Variants in PARD3B observed in about 807,000 individuals in gnomAD.
PARD3B encodes the protein partitioning defective 3 homolog B.
A neutral mutation model predicts 130.2 loss-of-function variants in PARD3B; 103 were observed. That is an observed-to-expected ratio of 0.79 (90% CI 0.67 to 0.93). The LOEUF is 0.93. PARD3B is among the 40% of genes least tolerant of loss of function. PARD3B has a pLI of 0.00. For missense variants in PARD3B, 1,609 were observed against 1,499.2 expected (o/e 1.07, Z -1.21); for synonymous variants, 583 against 553.2 (o/e 1.05, Z -0.76).
intron 2 of PARD3B, among the ~76,000 whole-genome samples, chr2:204,750,160 T>A (rs779890033): frequency 6.6e-6 from 1 of 152,240 alleles, no homozygotes; most frequent in African/African-American, 2.4e-5. Context: ...AAGAAGTTGC[T>A]ACATCTCAAT....
chr2:204,730,884 T>G (rs1439523342), intron 2 of PARD3B, among the ~76,000 whole-genome samples: 1 of 152,190 alleles, frequency 6.6e-6, no homozygotes, highest in Non-Finnish European at 1.5e-5. Flanking sequence ...TGCCATGATT[T>G]TTCTTTCTGG....
intron 15 of PARD3B, among the ~76,000 whole-genome samples, chr2:205,205,394 G>A (rs956597921): frequency 1.3e-5 from 2 of 152,174 alleles, no homozygotes; most frequent in Non-Finnish European, 2.9e-5. Flanking sequence ...TCTGCAAACA[G>A]AGATAATTTG....
rs753332981 is a variant in PARD3B at position 205,142,782 on chromosome 2, G to A, written c.1435-15940G>A. ...AATCCCAGCTACTCAGGAAGCTGAC[G>A]CAGGAGAATCGTTTGAACCCGGGAG... On this transcript the variant is annotated intron_variant, in intron 10 of 22. Transcript: ENST00000406610. The surrounding 1 kb of genome is among the most constrained non-coding windows in gnomAD (Gnocchi z 4.3). 6.6e-5 allele frequency among the ~76,000 whole-genome samples: 10 copies of A among 152,094 alleles called. No individual in the cohort carries two copies. The highest frequency in any genetic ancestry group is 1.9e-4 in the East Asian group (1 of 5,192).
In PARD3B at chr2:205,078,696, A is replaced by C. The variant is rs1701220327; in HGVS notation, c.505-25730A>C. On this transcript the variant is annotated intron_variant, in intron 4 of 22. Transcript: ENST00000406610. This position sits in a 1 kb window ranked among gnomAD's most constrained non-coding sequence, Gnocchi z 4.0. The stretch of plus-strand genomic sequence containing the variant: ...TGAATCTGGACTGGCCCAGTGACTT[A>C]ATTGAAAATCATAGCGTGCAGCAGA... Among the ~76,000 whole-genome samples, 1 of 152,186 alleles carries C rather than the reference A, an allele frequency of 6.6e-6. No homozygotes were observed. The highest frequency in any genetic ancestry group is 2.4e-5 in the African/African-American group (1 of 41,452).
At chr2:204,876,505 T>C (rs185220586) in intron 2 of PARD3B, among the ~76,000 whole-genome samples, 1 of 152,348 alleles carries the variant, frequency 6.6e-6, no homozygotes. Flanking sequence ...AGACACCCCA[T>C]GCTACTCTAA....
intron 14 of PARD3B, among the ~76,000 whole-genome samples, chr2:205,188,967 A>G (rs1447536564): frequency 6.6e-6 from 1 of 152,222 alleles, no homozygotes; most frequent in Non-Finnish European, 1.5e-5. Flanking sequence ...CTATTATGCA[A>G]TGATTATTAC....
At chr2:204,770,597 T>C (rs1019439609) in intron 2 of PARD3B, among the ~76,000 whole-genome samples, 2 of 152,040 alleles carry the variant, frequency 1.3e-5, no homozygotes. Context: ...CCAGGTTAAA[T>C]TGCTAAGATG....
chr2:204,691,154 AG>A (rs2037335990), intron 2 of PARD3B, among the ~76,000 whole-genome samples: 1 of 152,084 alleles, frequency 6.6e-6, no homozygotes, highest in Non-Finnish European at 1.5e-5. Context: ...TGAGCATGAG[AG>A]CTTCTGAGTA....
chr2:204,801,626 A>G (rs543495746), intron 2 of PARD3B, among the ~76,000 whole-genome samples: 129 of 152,316 alleles, frequency 8.5e-4, no homozygotes, highest in African/African-American at 2.9e-3. Context: ...GGGGTTTTCT[A>G]AATATACAAT....
chr2:205,500,215 C>T (rs751085203), intron 21 of PARD3B, among the ~76,000 whole-genome samples, 184 bp downstream of exon 21: 5 of 152,244 alleles, frequency 3.3e-5, no homozygotes, highest in African/African-American at 7.2e-5. Flanking sequence ...GGAAATCAAA[C>T]GCCGTGAACG....
chr2:205,531,653 C>T (rs543313404), intron 21 of PARD3B, among the ~76,000 whole-genome samples: 2 of 151,930 alleles, frequency 1.3e-5, no homozygotes, highest in South Asian at 2.1e-4. Flanking sequence ...GACAGGGCAC[C>T]GAGACACAGG....
At chr2:205,323,043 TG>T (rs1180204356) in intron 18 of PARD3B, among the ~76,000 whole-genome samples, 1 of 151,380 alleles carries the variant, frequency 6.6e-6, no homozygotes, top group East Asian at 2.0e-4. Flanking sequence ...CCCAAGTAGC[TG>T]GGACTACAGG....
At chr2:204,959,370 G>A (rs1172595635) in intron 2 of PARD3B, among the ~76,000 whole-genome samples, 1 of 152,096 alleles carries the variant, frequency 6.6e-6, no homozygotes. Flanking sequence ...TCTTTATCCA[G>A]TCTATCATTG....
intron 19 of PARD3B, among the ~76,000 whole-genome samples, chr2:205,401,885 T>C (rs1391049835): frequency 6.6e-6 from 1 of 152,262 alleles, no homozygotes; most frequent in African/African-American, 2.4e-5. Context: ...CAGCATATAA[T>C]TCTAAGCGTT....
At chr2:205,556,456 A>G (rs1029887251) in intron 22 of PARD3B, among the ~76,000 whole-genome samples, 1 of 152,190 alleles carries the variant, frequency 6.6e-6, no homozygotes, top group African/African-American at 2.4e-5. Flanking sequence ...CATGCAGCCC[A>G]CTGCCAGGCT....
chr2:204,605,125 C>T (rs2033662231), intron 1 of PARD3B, among the ~76,000 whole-genome samples: 1 of 152,274 alleles, frequency 6.6e-6, no homozygotes, highest in African/African-American at 2.4e-5. Flanking sequence ...AGCAGAGCTG[C>T]AAGGCTTCTT....
At chr2:205,035,590 T>A in intron 3 of PARD3B, among the ~76,000 whole-genome samples, 1 of 151,818 alleles carries the variant, frequency 6.6e-6, no homozygotes, top group East Asian at 1.9e-4. Flanking sequence ...ACATCATTAC[T>A]TCACCTGGCC....
intron 11 of PARD3B, among the ~76,000 whole-genome samples, chr2:205,165,774 A>T (rs1309016451): frequency 6.9e-6 from 1 of 144,190 alleles, no homozygotes; most frequent in Non-Finnish European, 1.5e-5. Context: ...AATAAATAAA[A>T]GCTTCATATG....
intron 18 of PARD3B, among the ~76,000 whole-genome samples, chr2:205,354,122 T>C (rs889229167): frequency 8.4e-5 from 12 of 142,446 alleles, no homozygotes; most frequent in African/African-American, 2.6e-4. Context: ...CACTGCAGCC[T>C]CGACCTCCTG....
Sources: allele counts gnomAD v4.1 joint callset (sites outside exome capture counted in the v4.1 genomes callset), GRCh38; gene constraint gnomAD v4.1.1; non-coding constraint Gnocchi (gnomAD v3.1); transcripts MANE v1.5; gene names NCBI Gene and HGNC (gene_info 2026-07-23, HGNC 2026-07-21).